RASA2: variants seen among roughly 807,000 people sequenced by gnomAD.
RASA2 encodes ras GTPase-activating protein 2.
In RASA2, 155 loss-of-function variants were observed where a neutral mutation model predicts 118.2. The ratio of observed to expected loss-of-function variants is 1.31; its 90% CI spans 1.15 to 1.50. The LOEUF (loss-of-function observed/expected upper bound fraction) is 1.50, where lower values mean the gene tolerates loss of function less well. RASA2 is among the 40% of genes most tolerant of loss of function. The pLI is 0.00. For missense variants in RASA2, 1,016 were observed against 1,009.6 expected (o/e 1.01, Z -0.09); for synonymous variants, 353 against 349.1 (o/e 1.01, Z -0.12).
At chr3:141,549,026 T>C (rs1284927032) in intron 5 of RASA2, among the ~76,000 whole-genome samples, 1 of 152,188 alleles carries the variant, frequency 6.6e-6, no homozygotes, top group East Asian at 1.9e-4. Context: ...CATGGGCACT[T>C]ATATCTGCCC....
chr3:141,590,959 A>C (rs968880150), intron 19 of RASA2, among the ~76,000 whole-genome samples: 1 of 152,254 alleles, frequency 6.6e-6, no homozygotes, highest in East Asian at 1.9e-4. Flanking sequence ...TTAAATTAAC[A>C]TGTAGCAAAT....
At chr3:141,541,899 CT>C (rs2082410677) in intron 5 of RASA2, among the ~76,000 whole-genome samples, 1 of 151,658 alleles carries the variant, frequency 6.6e-6, no homozygotes, top group African/African-American at 2.4e-5. Context: ...CACAGACTGA[CT>C]CTGTAGACCA....
intron 1 of RASA2, among the ~76,000 whole-genome samples, chr3:141,496,525 A>G (rs1422179224): frequency 2.6e-5 from 4 of 152,258 alleles, no homozygotes. Context: ...GACACTTCTC[A>G]AAAGAAGACA....
intron 19 of RASA2, among the ~76,000 whole-genome samples, chr3:141,590,475 A>T (rs994101312): frequency 1.3e-5 from 2 of 152,192 alleles, no homozygotes; most frequent in Non-Finnish European, 2.9e-5. Context: ...TGCAAGTGCT[A>T]TGTTTGTTTA....
chr3:141,533,379 C>T (rs1438185977), intron 4 of RASA2, among the ~76,000 whole-genome samples: 1 of 152,160 alleles, frequency 6.6e-6, no homozygotes, highest in Non-Finnish European at 1.5e-5. Flanking sequence ...CCTAGTTCTA[C>T]CACTAATTAG....
intron 22 of RASA2, 132 bp downstream of exon 22, chr3:141,609,655 C>A: frequency 3.5e-6 from 3 of 846,718 alleles, no homozygotes; most frequent in Non-Finnish European, 5.2e-6. Flanking sequence ...AGTTGACAAA[C>A]CCACAGAGAG....
At chr3:141,517,785 C>G (rs1381582070) in intron 3 of RASA2, among the ~76,000 whole-genome samples, 1 of 152,246 alleles carries the variant, frequency 6.6e-6, no homozygotes, top group East Asian at 1.9e-4. Flanking sequence ...TCCCGAATAG[C>G]TGGGACTACA....
At chr3:141,592,903 T>C (rs747079913) in intron 19 of RASA2, among the ~76,000 whole-genome samples, 1 of 150,380 alleles carries the variant, frequency 6.6e-6, no homozygotes, top group Non-Finnish European at 1.5e-5. Flanking sequence ...GTCCTGGTAA[T>C]GGTAGAAAAA....
At chr3:141,489,341 G>A (rs1403263480) in intron 1 of RASA2, among the ~76,000 whole-genome samples, 1 of 152,360 alleles carries the variant, frequency 6.6e-6, no homozygotes, top group East Asian at 1.9e-4. Context: ...CTTGTGAAGA[G>A]ATGCTGTTTT....
In RASA2 at chr3:141,565,724, TTA is replaced by T. The variant is rs1340804038; in HGVS notation, c.864-5187_864-5186del. 3.9e-5 allele frequency among the ~76,000 whole-genome samples: 6 copies of T among 152,338 alleles called. No individual in the cohort carries two copies. In the East Asian group the frequency reaches 1.2e-3, roughly 29 times the overall value. ...CAATTAAACCTCTTTCCTTTATAAA[TTA>T]CCCAGCTTTGGGTATGTCTGTATTA... On this transcript the variant is annotated intron_variant, in intron 9 of 23. Transcript: ENST00000286364.
At chr3:141,581,225 T>C in intron 17 of RASA2, 48 bp downstream of exon 17, 1 of 1,222,336 alleles carries the variant, frequency 8.2e-7, no homozygotes, top group East Asian at 3.1e-5. Context: ...TCATATAACA[T>C]GGGGAAATAA....
At chr3:141,580,081 AAAAAATATATATAT>A (rs1193286991) in intron 15 of RASA2, among the ~76,000 whole-genome samples, 5 of 95,608 alleles carry the variant, frequency 5.2e-5, no homozygotes, top group South Asian at 4.0e-4. Flanking sequence ...AAAAAAAAAA[AAAAAATATATATAT>A]ATATATATAT....
chr3:141,587,017 C>T, intron 19 of RASA2: 2 of 458,126 alleles, frequency 4.4e-6, no homozygotes, highest in South Asian at 4.3e-5. Context: ...GTAATCCATA[C>T]TGTTATTTAT....
At chr3:141,605,263 CTTAT>C (rs1476836387) in intron 19 of RASA2, among the ~76,000 whole-genome samples, 1 of 152,184 alleles carries the variant, frequency 6.6e-6, no homozygotes, top group Admixed American at 6.5e-5. Context: ...CCTGAATACT[CTTAT>C]TTGTCAGATA....
intron 3 of RASA2, among the ~76,000 whole-genome samples, chr3:141,523,204 C>T (rs2082136955): frequency 6.6e-6 from 1 of 151,924 alleles, no homozygotes; most frequent in Admixed American, 6.6e-5. Flanking sequence ...TCTCGGCTCA[C>T]TGCAACCTCC....
intron 9 of RASA2, among the ~76,000 whole-genome samples, chr3:141,569,822 ACCATCTTTGTGTTT>A (rs2082887103): frequency 6.6e-6 from 1 of 151,382 alleles, no homozygotes; most frequent in Non-Finnish European, 1.5e-5. Context: ...GTCTATTGTT[ACCATCTTTGTGTTT>A]GTGCATACCC....
chr3:141,574,250 C>T (rs756555578), intron 14 of RASA2, among the ~76,000 whole-genome samples, 183 bp downstream of exon 14: 85 of 151,736 alleles, frequency 5.6e-4, no homozygotes, highest in African/African-American at 1.9e-3. Flanking sequence ...AGTGCAGTGG[C>T]GCTATCTTGG....
At chr3:141,552,726 A>G (rs1293713783) in intron 5 of RASA2, among the ~76,000 whole-genome samples, 3 of 152,160 alleles carry the variant, frequency 2.0e-5, no homozygotes, top group Non-Finnish European at 2.9e-5. Context: ...ATGCTCAGCT[A>G]TAATAGAAAT....
At chr3:141,523,646 TTTGTTA>T (rs1436448781) in intron 3 of RASA2, among the ~76,000 whole-genome samples, 1 of 152,226 alleles carries the variant, frequency 6.6e-6, no homozygotes, top group Admixed American at 6.5e-5. Flanking sequence ...TTTTAGTTAT[TTTGTTA>T]TTCAAGAGCT....
Sources: allele counts gnomAD v4.1 joint callset (sites outside exome capture counted in the v4.1 genomes callset), GRCh38; gene constraint gnomAD v4.1.1; transcripts MANE v1.5; gene names NCBI Gene and HGNC (gene_info 2026-07-23, HGNC 2026-07-21).